The following PARD3 variants were observed in gnomAD, a reference collection of about 807,000 sequenced individuals.
PARD3 encodes par-3 family cell polarity regulator, also known as partitioning defective 3 homolog.
In PARD3, 75 loss-of-function variants were observed where a neutral mutation model predicts 155.4. That is an observed-to-expected ratio of 0.48 (90% CI 0.40 to 0.58). The LOEUF (loss-of-function observed/expected upper bound fraction) is 0.58. PARD3 is among the 20% of genes least tolerant of loss of function. The pLI is 0.00. For missense variants in PARD3, 1,642 were observed against 1,721.7 expected, an observed-to-expected ratio of 0.95 and a Z score of 0.82; for synonymous variants, 576 against 610.5, an observed-to-expected ratio of 0.94 and a Z score of 0.83.
chr10:34,212,023 T>C (rs1042730323), intron 22 of PARD3, among the ~76,000 whole-genome samples: 3 of 24,354 alleles, frequency 1.2e-4, no homozygotes, highest in African/African-American at 2.0e-3. Context: ...GTGCTCAACT[T>C]TTTTTTTTTT....
chr10:34,235,741 G>A (rs1218765454), intron 22 of PARD3, among the ~76,000 whole-genome samples: 1 of 152,180 alleles, frequency 6.6e-6, no homozygotes, highest in Non-Finnish European at 1.5e-5. Context: ...GTATGCATAT[G>A]TATGAAGAAG....
intron 2 of PARD3, among the ~76,000 whole-genome samples, chr10:34,624,694 T>C (rs1305323005): frequency 6.6e-6 from 1 of 152,236 alleles, no homozygotes; most frequent in African/African-American, 2.4e-5. Flanking sequence ...AGGCTGACAC[T>C]GTGCCCTGCA....
At chr10:34,295,900 T>C (rs1956886866) in intron 20 of PARD3, among the ~76,000 whole-genome samples, 1 of 152,210 alleles carries the variant, frequency 6.6e-6, no homozygotes, top group South Asian at 2.1e-4. Flanking sequence ...TACCCTGCCT[T>C]AAAATTTCAA....
Position 34,331,170 on chromosome 10 carries a change from T to C in PARD3, c.2780A>G (p.Asp927Gly), listed in dbSNP as rs1237474114. ...GCNESFRAAI[D>G]KSYDKPAVDD... Reference sequence around the variant, plus strand: ...TACCGCGGGTTTATCATAAGATTTGTCGATGGCAGCTCTGAAGCTCTCATT... The same window carrying C: ...TACCGCGGGTTTATCATAAGATTTGCCGATGGCAGCTCTGAAGCTCTCATT... Residue 927 changes from aspartate (D) to glycine (G), a missense_variant, in exon 19 of 25, where the codon GAC (aspartate) becomes GGC (glycine). Coordinates refer to ENST00000374788, the MANE Select transcript of PARD3 (RefSeq NM_001184785.2). The C allele has an allele frequency of 6.2e-7, 1 of 1,613,938 alleles. No homozygotes were observed. The highest frequency in any genetic ancestry group is 8.5e-7 in the Non-Finnish European group (1 of 1,179,988).
chr10:34,413,137 A>G (rs1228425097), intron 5 of PARD3, among the ~76,000 whole-genome samples: 2 of 82,838 alleles, frequency 2.4e-5, no homozygotes, highest in African/African-American at 1.5e-4. Flanking sequence ...AGTACTTCAG[A>G]TATATATACA....
chr10:34,516,780 C>T (rs186610255), intron 3 of PARD3, among the ~76,000 whole-genome samples, 199 bp downstream of exon 3: 7 of 152,246 alleles, frequency 4.6e-5, no homozygotes, highest in East Asian at 1.9e-4. Context: ...GTCTACTAGT[C>T]GAAAGTAAAG....
At chr10:34,777,385 C>T (rs1016275337) in intron 1 of PARD3, among the ~76,000 whole-genome samples, 4 of 152,120 alleles carry the variant, frequency 2.6e-5, no homozygotes, top group African/African-American at 9.7e-5. Context: ...GAAGGCCTTC[C>T]CTGCAGCCCC....
chr10:34,357,788 C>T (rs1206984232), intron 14 of PARD3, among the ~76,000 whole-genome samples: 2 of 152,142 alleles, frequency 1.3e-5, no homozygotes. Context: ...TTACTGTTAA[C>T]TCATTCTACA....
chr10:34,798,735 G>C (rs987378975), intron 1 of PARD3, among the ~76,000 whole-genome samples: 6 of 151,488 alleles, frequency 4.0e-5, no homozygotes, highest in Non-Finnish European at 7.4e-5. Flanking sequence ...CACACATACA[G>C]GCTGATCCAC....
chr10:34,767,939 T>C (rs904428223), intron 1 of PARD3, among the ~76,000 whole-genome samples: 5 of 152,044 alleles, frequency 3.3e-5, no homozygotes, highest in Non-Finnish European at 7.4e-5. Flanking sequence ...AAAGAGATTT[T>C]TAAAGGGATG....
At chr10:34,582,784 G>C (rs2087613657) in intron 2 of PARD3, among the ~76,000 whole-genome samples, 1 of 152,204 alleles carries the variant, frequency 6.6e-6, no homozygotes, top group Non-Finnish European at 1.5e-5. Flanking sequence ...CTTGCAGTAA[G>C]CTGTTTTCGC....
intron 2 of PARD3, among the ~76,000 whole-genome samples, chr10:34,654,291 T>C (rs770710118): frequency 5.3e-5 from 8 of 152,086 alleles, no homozygotes; most frequent in Admixed American, 1.3e-4. Flanking sequence ...TAAGGTGATA[T>C]CATATAACAA....
intron 22 of PARD3, among the ~76,000 whole-genome samples, chr10:34,227,239 T>C (rs975127848): frequency 6.6e-6 from 1 of 152,210 alleles, no homozygotes; most frequent in Non-Finnish European, 1.5e-5. Flanking sequence ...AACATACATG[T>C]GGCCAACAAG....
chr10:34,319,047 G>A (rs904798984), intron 19 of PARD3, among the ~76,000 whole-genome samples: 3 of 149,450 alleles, frequency 2.0e-5, no homozygotes, highest in African/African-American at 7.4e-5. Context: ...CCAAAGTGCT[G>A]GGATTACAGG....
chr10:34,490,063 TG>T (rs1388183188), intron 3 of PARD3, among the ~76,000 whole-genome samples: 2 of 152,138 alleles, frequency 1.3e-5, no homozygotes, highest in Non-Finnish European at 1.5e-5. Context: ...AAAGACTCTC[TG>T]GTTTATTTGC....
At chr10:34,598,186 G>C (rs1396279035) in intron 2 of PARD3, among the ~76,000 whole-genome samples, 1 of 152,182 alleles carries the variant, frequency 6.6e-6, no homozygotes. Flanking sequence ...AGAAGAGAAG[G>C]AATTCTAGCA....
At chr10:34,253,989 T>C (rs1236029185) in intron 22 of PARD3, among the ~76,000 whole-genome samples, 2 of 152,040 alleles carry the variant, frequency 1.3e-5, no homozygotes, top group African/African-American at 4.8e-5. Context: ...AGCACGCACA[T>C]TGCTCCAGTG....
rs1208491440 is a variant in PARD3, at chr10:34,111,445, G to A, written c.3786C>T (p.Ser1262=). 1 of 1,614,178 alleles carries A rather than the reference G, an allele frequency of 6.2e-7. No homozygotes were observed. The highest frequency in any genetic ancestry group is 1.7e-5 in the Admixed American group (1 of 60,026). The stretch of plus-strand genomic sequence containing the variant: ...CATGTCCTCCCAGGTAGCCGTTCCT[G>A]GAGCCTTGGTAGCTGGAGTACCTGG... The part of the protein sequence containing the change: ...ENPRYSSYQG[S]RNGYLGGHGF... Residue 1262 remains serine (S), a synonymous_variant, in exon 25 of 25, where the codon TCC becomes TCT. Transcript: ENST00000374788.
intron 2 of PARD3, among the ~76,000 whole-genome samples, chr10:34,649,602 G>GGTGA (rs1564459909): frequency 6.6e-6 from 1 of 152,216 alleles, no homozygotes; most frequent in African/African-American, 2.4e-5. Context: ...AGTTGCCCTG[G>GGTGA]GTGAGTGAGT....
Sources: gnomAD v4.1 joint callset for allele counts (sites outside exome capture counted in the v4.1 genomes callset) on GRCh38, gnomAD v4.1.1 for gene constraint, MANE v1.5 for transcripts, NCBI Gene and HGNC (gene_info 2026-07-23, HGNC 2026-07-21) for gene names.